The following NUP98 variants were observed in gnomAD, a reference collection of about 807,000 sequenced individuals.
The protein encoded by NUP98 is nucleoporin 98 and 96 precursor, also known as nuclear pore complex protein Nup98-Nup96.
In NUP98, 26 loss-of-function variants were observed where a neutral mutation model predicts 191.9. The ratio of observed to expected loss-of-function variants is 0.14; its 90% CI spans 0.10 to 0.19. The LOEUF (loss-of-function observed/expected upper bound fraction) is 0.19, where lower values mean the gene tolerates loss of function less well. NUP98 is among the 10% of genes least tolerant of loss of function. The probability of loss-of-function intolerance (pLI) is 1.00; values close to 1 mark genes in which losing one functional copy is unlikely to be tolerated. For missense variants in NUP98, 1,941 were observed against 2,178.8 expected (o/e 0.89, Z 2.17); for synonymous variants, 808 against 778.4 (o/e 1.04, Z -0.63).
chr11:3,778,980 G>A lies in NUP98; in HGVS notation c.248C>T (p.Thr83Met), dbSNP rs776897983. 19 of 1,614,178 alleles carry A rather than the reference G, an allele frequency of 1.2e-5. No homozygotes were observed. Among genetic ancestry groups the A allele is most frequent in the African/African-American group, 4.0e-5 (3 of 75,050 alleles). ...CAAGGTATTTGCTGTTCCTGTTGAC[G>A]TACCAAACCCAAAGCCAGTGCTTGT... Reference protein sequence around the residue: ...TSTSTGFGFGTSTGTANTLFG... With the variant: ...TSTSTGFGFGMSTGTANTLFG... Residue 83 changes from threonine to methionine, a missense_variant, in exon 4 of 33, where the codon ACG becomes ATG. Physicochemically the swap from Thr to Met is moderately conservative, Grantham distance 81. This residue lies in a region of NUP98 where 154 missense variants were observed against 182.9 expected (regional missense o/e 0.84). Transcript: ENST00000324932.
chr11:3,739,787 C>A (rs1173190967), intron 12 of NUP98, among the ~76,000 whole-genome samples: 1 of 152,094 alleles, frequency 6.6e-6, no homozygotes, highest in African/African-American at 2.4e-5. Context: ...AAAACTATAG[C>A]TTAGAGTACA....
chr11:3,683,171 T>G, intron 30 of NUP98, 29 bp downstream of exon 30: 1 of 1,612,942 alleles, frequency 6.2e-7, no homozygotes, highest in Non-Finnish European at 8.5e-7. Context: ...TTTGGGGTGA[T>G]TCCAGGAGAT....
chr11:3,682,897 T>C (rs773285475), intron 30 of NUP98, among the ~76,000 whole-genome samples: 4 of 152,202 alleles, frequency 2.6e-5, no homozygotes, highest in Admixed American at 1.3e-4. Flanking sequence ...TTTCAGGCCT[T>C]AAGGAGATTA....
In NUP98 at chr11:3,723,425, C is replaced by T; in HGVS notation, c.1878G>A (p.Glu626=). 1 of 1,614,028 alleles carries T rather than the reference C, an allele frequency of 6.2e-7. No individual in the cohort carries two copies. The highest frequency in any genetic ancestry group is 1.1e-5 in the South Asian group (1 of 91,072). Residue 626 remains glutamate (E), a synonymous_variant, in exon 16 of 33, where the codon GAG becomes GAA. Coordinates refer to ENST00000324932, the MANE Select transcript of NUP98 (RefSeq NM_016320.5). ...RFSFLSKPVD[E]NHQQDGDEDS... ...CTTCATCTCCATCCTGCTGGTGATT[C>T]TCATCAACAGGTTTGCTTAGGAAAC...
chr11:3,783,063 A>G (rs1564926666), intron 1 of NUP98, among the ~76,000 whole-genome samples: 1 of 152,066 alleles, frequency 6.6e-6, no homozygotes, highest in Non-Finnish European at 1.5e-5. Context: ...TCTATCTTCT[A>G]CTTCTAAGAT....
At chr11:3,790,659 ACT>A (rs1296551415) in intron 1 of NUP98, among the ~76,000 whole-genome samples, 1 of 152,172 alleles carries the variant, frequency 6.6e-6, no homozygotes, top group Non-Finnish European at 1.5e-5. Context: ...TGAATTCTTC[ACT>A]GTCACCCATT....
intron 18 of NUP98, chr11:3,714,643 A>G (rs1479767805): frequency 6.2e-6 from 1 of 162,396 alleles, no homozygotes; most frequent in African/African-American, 2.4e-5. Context: ...ATACATCACA[A>G]TATAGTACTT....
intron 23 of NUP98, among the ~76,000 whole-genome samples, chr11:3,702,047 T>C (rs1192723788): frequency 6.6e-6 from 1 of 151,718 alleles, no homozygotes; most frequent in Non-Finnish European, 1.5e-5. Flanking sequence ...TCCCAGCACT[T>C]TGGGAGGCCA....
At chr11:3,762,509 C>A (rs1481020984) in intron 9 of NUP98, among the ~76,000 whole-genome samples, 1 of 152,046 alleles carries the variant, frequency 6.6e-6, no homozygotes, top group Non-Finnish European at 1.5e-5. Context: ...TTGATCAACC[C>A]CAAAAACATT....
At chr11:3,676,469 A>G in intron 32 of NUP98, 40 bp downstream of exon 32, 3 of 1,605,164 alleles carry the variant, frequency 1.9e-6, no homozygotes, top group Non-Finnish European at 2.6e-6. Flanking sequence ...TAAAAACAGG[A>G]AGCAAGAAGG....
At chr11:3,712,473 G>A (rs971561917) in intron 20 of NUP98, 91 bp downstream of exon 20, 35 of 1,566,192 alleles carry the variant, frequency 2.2e-5, no homozygotes, top group South Asian at 2.1e-4. Context: ...AAGTTCCAAG[G>A]GTCATAAAAC....
chr11:3,756,658 G>T (rs544746957), intron 10 of NUP98, among the ~76,000 whole-genome samples: 2 of 152,006 alleles, frequency 1.3e-5, no homozygotes, highest in African/African-American at 4.8e-5. Context: ...CTGACCTCAG[G>T]TGATCTGCCA....
At chr11:3,753,841 A>G (rs1161678599) in intron 10 of NUP98, among the ~76,000 whole-genome samples, 2 of 146,344 alleles carry the variant, frequency 1.4e-5, no homozygotes, top group African/African-American at 2.5e-5. Flanking sequence ...CGGGAGGCTA[A>G]GGTGGGAAAA....
At chr11:3,786,173 A>C (rs756054826) in intron 1 of NUP98, among the ~76,000 whole-genome samples, 2 of 152,220 alleles carry the variant, frequency 1.3e-5, no homozygotes, top group Non-Finnish European at 2.9e-5. Flanking sequence ...ATGCTTCTAG[A>C]GTCTAGAGCC....
At chr11:3,751,611 C>A (rs1376449627) in intron 11 of NUP98, among the ~76,000 whole-genome samples, 1 of 152,124 alleles carries the variant, frequency 6.6e-6, no homozygotes, top group Non-Finnish European at 1.5e-5. Flanking sequence ...ATATTCCCAG[C>A]ACTTTAAGAG....
At position 3,724,780 on chromosome 11, in the gene NUP98, C is replaced by CAAAAAAA. The variant is rs71041382; in HGVS notation, c.1847+316_1847+322dup. Among the ~76,000 whole-genome samples the CAAAAAAA allele has an allele frequency of 1.6e-4, 13 of 80,178 alleles. 1 individual carries two copies. Among genetic ancestry groups the CAAAAAAA allele is most frequent in the South Asian group, 4.8e-4 (1 of 2,104 alleles). The allele number at this position is 80,178 out of a possible 152,430, so 52.6% of individuals were successfully genotyped here. ...TGGGCGACAGAGTGAGACTCTGTCT[C>CAAAAAAA]AAAAAAAAAAAAGAAAGAAAATCAT... On this transcript the variant is annotated intron_variant, in intron 15 of 32. Coordinates refer to ENST00000324932, the MANE Select transcript of NUP98 (RefSeq NM_016320.5).
rs755816362 is a variant in NUP98 at position 3,729,715 on chromosome 11, C to CAAAAAAAAAAAAAAAAA, written c.1730+1659_1730+1675dup. ...GGGCAATGGCATAAGACTCTTGCCTCAAAAAAAAAAAAAAAAAAAAAAAAA... is the reference window on the plus strand; with the variant it reads ...GGGCAATGGCATAAGACTCTTGCCTCAAAAAAAAAAAAAAAAAAAAAAAAAAAAAAAAAAAAAAAAAA... On this transcript the variant is annotated intron_variant, in intron 14 of 32. Transcript: ENST00000324932. 4.1e-3 allele frequency among the ~76,000 whole-genome samples: 152 copies of CAAAAAAAAAAAAAAAAA among 37,408 alleles called. 8 individuals are homozygous for CAAAAAAAAAAAAAAAAA. Among genetic ancestry groups the CAAAAAAAAAAAAAAAAA allele is most frequent in the African/African-American group, 5.0e-3 (56 of 11,300 alleles). 24.5% of individuals were successfully genotyped at this position (37,408 alleles called of 152,430 possible).
At chr11:3,797,251 A>T (rs1034293307) in intron 1 of NUP98, 149 bp downstream of exon 1, 17 of 396,370 alleles carry the variant, frequency 4.3e-5, no homozygotes, top group Non-Finnish European at 7.1e-5. Context: ...CCGGGTCCTC[A>T]GCACCGCCCC....
At chr11:3,757,314 C>A (rs1181789602) in intron 10 of NUP98, among the ~76,000 whole-genome samples, 1 of 151,124 alleles carries the variant, frequency 6.6e-6, no homozygotes, top group Admixed American at 6.6e-5. Flanking sequence ...CATGGCAAAC[C>A]CTGTCTCTAC....
Sources: allele counts gnomAD v4.1 joint callset (sites outside exome capture counted in the v4.1 genomes callset), GRCh38; gene constraint gnomAD v4.1.1; regional missense constraint gnomAD v4.1.1; transcripts MANE v1.5; gene names NCBI Gene and HGNC (gene_info 2026-07-23, HGNC 2026-07-21).